Variants in NOX5 observed in about 807,000 individuals in gnomAD.
NOX5 encodes NADPH oxidase 5.
Under a neutral mutation model 85.7 loss-of-function variants are expected in NOX5, and 76 were observed. The ratio of observed to expected loss-of-function variants is 0.89; its 90% CI spans 0.74 to 1.07. The LOEUF is 1.07. Ranked by LOEUF, NOX5 falls within the 50% of genes least tolerant of loss-of-function variation. The probability of loss-of-function intolerance (pLI) is 0.00; values close to 1 mark genes in which losing one functional copy is unlikely to be tolerated. For synonymous variants in NOX5, 405 were observed against 401.4 expected, an observed-to-expected ratio of 1.01 and a Z score of -0.11; for missense variants, 973 against 999.5, an observed-to-expected ratio of 0.97 and a Z score of 0.36.
At chr15:69,051,940 C>T (rs2050754835) in intron 14 of NOX5, among the ~76,000 whole-genome samples, 1 of 151,796 alleles carries the variant, frequency 6.6e-6, no homozygotes, top group South Asian at 2.1e-4. Flanking sequence ...AATGTTTGGC[C>T]TGGTGGCTCA....
In NOX5 at chr15:69,047,453, T is replaced by A; in HGVS notation, c.1733T>A (p.Ile578Asn). 1.9e-6 allele frequency: 3 copies of A among 1,613,898 alleles called. No individual in the cohort carries two copies. The highest frequency in any genetic ancestry group is 1.7e-6 in the Non-Finnish European group (2 of 1,179,942). Residue 578 changes from isoleucine (I) to asparagine (N), a missense_variant, in exon 12 of 16, where the codon ATC (isoleucine) becomes AAC (asparagine). Physicochemically the swap from Ile to Asn is moderately radical, Grantham distance 149. Transcript: ENST00000388866. ...DGPYGTPTRR[I>N]FASEHAVLIG... is the part of the protein sequence containing the mutation. ...CCTTATGGGACCCCCACCCGCAGGA[T>A]CTTTGCCTCTGAGCATGCCGTGCTC...
intron 14 of NOX5, among the ~76,000 whole-genome samples, chr15:69,054,582 C>T (rs1036172103): frequency 1.3e-5 from 2 of 152,200 alleles, no homozygotes; most frequent in Non-Finnish European, 2.9e-5. Flanking sequence ...CCGCAAACAT[C>T]GCGTTTGTTC....
Position 69,060,911 on chromosome 15 carries a change from A to G in NOX5, c.*4215A>G, listed in dbSNP as rs1406323213. On this transcript the variant is annotated 3_prime_UTR_variant, in exon 16 of 16. Transcript: ENST00000388866. Reference sequence around the variant, plus strand: ...ATTGTTAACATCTGGTGAAAGGAGAAAAGTCAGCCAGCCATCCTGATGCGT... The same window carrying G: ...ATTGTTAACATCTGGTGAAAGGAGAGAAGTCAGCCAGCCATCCTGATGCGT... 6.6e-6 allele frequency: 1 copy of G among 152,220 alleles called. No individual in the cohort carries two copies. The highest frequency in any genetic ancestry group is 1.5e-5 in the Non-Finnish European group (1 of 68,042). The allele number at this position is 152,220 out of a possible 1,614,324, so 9.4% of individuals were successfully genotyped here.
In NOX5 at chr15:69,033,186, T is replaced by C. The variant is rs768440845; in HGVS notation, c.764T>C (p.Leu255Pro). Residue 255 changes from leucine to proline, a missense_variant, in exon 5 of 16, where the codon CTG (leucine) becomes CCG (proline). By Grantham distance (98) the Leu-to-Pro change is moderately conservative (BLOSUM62 -3). Coordinates refer to ENST00000388866, the MANE Select transcript of NOX5 (RefSeq NM_024505.4). ...YAGLHVLLFGLAASAHRDLGA... is the reference protein window; with the variant it reads ...YAGLHVLLFGPAASAHRDLGA... ...GGCCTCCACGTGCTGCTCTTCGGGC[T>C]GGCGGCCAGCGCGCACCGGGACCTC... 1 of 1,592,298 alleles carries C rather than the reference T, an allele frequency of 6.3e-7. No homozygotes were observed.
chr15:69,059,685 A>G lies in NOX5; in HGVS notation c.*2989A>G, dbSNP rs2050853293. The G allele has an allele frequency of 6.6e-6, 1 of 152,336 alleles. No homozygotes were observed. 9.4% of individuals were successfully genotyped at this position (152,336 alleles called of 1,614,324 possible). The stretch of plus-strand genomic sequence containing the variant: ...CCACACATGTGAGTGTACAGCACGC[A>G]TGGTCTGACCATCTGGATGTTTCCC... On this transcript the variant is annotated 3_prime_UTR_variant, in exon 16 of 16. Coordinates refer to ENST00000388866, the MANE Select transcript of NOX5 (RefSeq NM_024505.4).
rs894507825 is a variant in NOX5 at position 69,061,733 on chromosome 15, A to G, written c.*5037A>G. ...CCTTAGCCACCCAGCCATGGCCCCA[A>G]AAGGGCTGCCCTAATACTACTCAGG... On this transcript the variant is annotated 3_prime_UTR_variant, in exon 16 of 16. Coordinates refer to ENST00000388866, the MANE Select transcript of NOX5 (RefSeq NM_024505.4). 3 of 152,170 alleles carry G rather than the reference A, an allele frequency of 2.0e-5. No individual in the cohort carries two copies. Among genetic ancestry groups the G allele is most frequent in the Non-Finnish European group, 4.4e-5 (3 of 68,028 alleles). 9.4% of individuals were successfully genotyped at this position (152,170 alleles called of 1,614,324 possible).
chr15:69,014,769 C>T lies in NOX5; in HGVS notation c.34C>T (p.Pro12Ser). The T allele has an allele frequency of 6.5e-7, 1 of 1,550,066 alleles. No homozygotes were observed. Among genetic ancestry groups the T allele is most frequent in the Non-Finnish European group, 8.7e-7 (1 of 1,146,538 alleles). ...NTSGDPAQTGPEGCRGTMSAE... is the reference protein window; with the variant it reads ...NTSGDPAQTGSEGCRGTMSAE... ...ATCTGGAGACCCAGCCCAGACGGGC[C>T]CTGAAGGCTGTAGAGGGTGAGTGGC... The change falls in exon 1 of 16, where the codon CCT becomes TCT. Residue 12 changes from proline (P) to serine (S), a missense_variant. Pro to Ser is a moderately conservative substitution (Grantham distance 74, BLOSUM62 -1). Transcript: ENST00000388866.
chr15:69,022,983 A>C, intron 1 of NOX5: 1 of 511,284 alleles, frequency 2.0e-6, no homozygotes, highest in Admixed American at 2.1e-5. Flanking sequence ...GTTGTTTGAT[A>C]GCCTCACCTT....
chr15:69,050,746 A>G (rs1272629573), intron 14 of NOX5, among the ~76,000 whole-genome samples: 1 of 152,166 alleles, frequency 6.6e-6, no homozygotes, highest in Non-Finnish European at 1.5e-5. Flanking sequence ...TAAATTATGT[A>G]AGACTGTGGA....
chr15:69,052,491 G>C (rs187979376), intron 14 of NOX5, among the ~76,000 whole-genome samples: 1 of 152,292 alleles, frequency 6.6e-6, no homozygotes, highest in East Asian at 1.9e-4. Flanking sequence ...AATATCTTTA[G>C]ATATGTTTCT....
At chr15:69,025,957 A>T (rs1374962530) in intron 1 of NOX5, among the ~76,000 whole-genome samples, 2 of 152,222 alleles carry the variant, frequency 1.3e-5, no homozygotes, top group Non-Finnish European at 2.9e-5. Flanking sequence ...TATCACAAGC[A>T]TTTAAGCAGA....
chr15:69,049,045 G>C lies in NOX5; in HGVS notation c.1986G>C (p.Glu662Asp). The change falls in exon 14 of 16, where the codon GAG (glutamate) becomes GAC (aspartate). Residue 662 changes from glutamate (E) to aspartate (D), a missense_variant. Coordinates refer to ENST00000388866, the MANE Select transcript of NOX5 (RefSeq NM_024505.4). ...LLTKLEMDQA[E>D]EAQYGRFLEL... Reference sequence around the variant, plus strand: ...CTAAACTGGAGATGGACCAGGCCGAGGAGGCTCAATACGGTAAGAGAGGGA... The same window carrying C: ...CTAAACTGGAGATGGACCAGGCCGACGAGGCTCAATACGGTAAGAGAGGGA... 6.2e-7 allele frequency: 1 copy of C among 1,611,768 alleles called. No homozygotes were observed. The highest frequency in any genetic ancestry group is 8.5e-7 in the Non-Finnish European group (1 of 1,179,136).
intron 1 of NOX5, among the ~76,000 whole-genome samples, chr15:69,017,503 A>G (rs930263650): frequency 6.6e-6 from 1 of 152,168 alleles, no homozygotes; most frequent in Non-Finnish European, 1.5e-5. Flanking sequence ...CCAATTGCCA[A>G]TCAGAAAAAT....
intron 14 of NOX5, among the ~76,000 whole-genome samples, chr15:69,050,614 C>G (rs1164821888): frequency 6.6e-6 from 1 of 152,180 alleles, no homozygotes; most frequent in Non-Finnish European, 1.5e-5. Context: ...GTCTCAAACT[C>G]CTGACCTCAA....
chr15:69,028,544 G>T lies in NOX5; in HGVS notation c.325+179G>T. The T allele has an allele frequency of 6.2e-6, 3 of 481,684 alleles. No homozygotes were observed. In the South Asian group the frequency reaches 1.4e-4, roughly 22 times the overall value. The allele number at this position is 481,684 out of a possible 1,614,324, so 29.8% of individuals were successfully genotyped here. A position where few individuals can be genotyped will look rare whatever the true frequency, so the allele number is the denominator to read the frequency against. ...CCTCACATCTCTCTCCCAGTCCCCA[G>T]TCTCTCTGTCTAATCCCTGCCCCCC... On this transcript the variant is annotated intron_variant, in intron 3 of 15. Coordinates refer to ENST00000388866, the MANE Select transcript of NOX5 (RefSeq NM_024505.4).
intron 1 of NOX5, chr15:69,023,927 T>G: frequency 5.2e-6 from 1 of 190,862 alleles, no homozygotes; most frequent in Admixed American, 5.5e-5. Flanking sequence ...GCTGTTATGG[T>G]TTAAGTACTT....
intron 9 of NOX5, among the ~76,000 whole-genome samples, chr15:69,042,293 G>T (rs1198349693): frequency 1.3e-5 from 2 of 152,152 alleles, no homozygotes; most frequent in African/African-American, 2.4e-5. Context: ...TGGACTGAGC[G>T]CCTACTGTGT....
intron 14 of NOX5, among the ~76,000 whole-genome samples, chr15:69,049,651 T>C (rs2050723090): frequency 6.6e-6 from 1 of 152,164 alleles, no homozygotes; most frequent in Non-Finnish European, 1.5e-5. Flanking sequence ...ATTTATCTTT[T>C]TCATGACATA....
intron 1 of NOX5, among the ~76,000 whole-genome samples, chr15:69,018,238 A>C (rs2050254302): frequency 6.6e-6 from 1 of 152,028 alleles, no homozygotes; most frequent in Non-Finnish European, 1.5e-5. Flanking sequence ...GAGAATGGGC[A>C]AGGAGGCTGC....
Sources: gnomAD v4.1 joint callset for allele counts (sites outside exome capture counted in the v4.1 genomes callset) on GRCh38, gnomAD v4.1.1 for gene constraint, MANE v1.5 for transcripts, NCBI Gene and HGNC (gene_info 2026-07-23, HGNC 2026-07-21) for gene names.